ANKS1B: variants seen among roughly 807,000 people sequenced by gnomAD.
The protein encoded by ANKS1B is ankyrin repeat and sterile alpha motif domain-containing protein 1B.
Under a neutral mutation model 148.3 loss-of-function variants are expected in ANKS1B, and 36 were observed. The ratio of observed to expected loss-of-function variants is 0.24; its 90% CI spans 0.19 to 0.32. The LOEUF (loss-of-function observed/expected upper bound fraction) is 0.32, where lower values mean the gene tolerates loss of function less well. ANKS1B is among the 10% of genes least tolerant of loss of function. ANKS1B has a pLI of 1.00. For synonymous variants in ANKS1B, 542 were observed against 560.8 expected, an observed-to-expected ratio of 0.97 and a Z score of 0.47; for missense variants, 1,157 against 1,542.6, an observed-to-expected ratio of 0.75 and a Z score of 4.19.
chr12:99,137,749 G>A (rs1367361841), intron 15 of ANKS1B, among the ~76,000 whole-genome samples: 1 of 152,044 alleles, frequency 6.6e-6, no homozygotes, highest in East Asian at 1.9e-4. Flanking sequence ...TGTGTGCCAT[G>A]CTTTTTCTGT....
intron 9 of ANKS1B, among the ~76,000 whole-genome samples, chr12:99,569,308 A>C (rs1489521718): frequency 6.6e-6 from 1 of 152,198 alleles, no homozygotes; most frequent in Non-Finnish European, 1.5e-5. Context: ...GCTTCATGAA[A>C]AGTGCTGGGG....
At chr12:99,587,117 G>A (rs2097650415) in intron 9 of ANKS1B, among the ~76,000 whole-genome samples, 1 of 152,160 alleles carries the variant, frequency 6.6e-6, no homozygotes, top group Admixed American at 6.5e-5. Context: ...TGGCAGAGCA[G>A]GGTAAAGAAG....
intron 8 of ANKS1B, among the ~76,000 whole-genome samples, chr12:99,760,632 C>G (rs1481211688): frequency 6.6e-6 from 1 of 150,722 alleles, no homozygotes; most frequent in East Asian, 1.9e-4. Flanking sequence ...AACATCACAC[C>G]CAGAGGAACT....
At chr12:98,775,625 T>A (rs2098665112) in intron 24 of ANKS1B, among the ~76,000 whole-genome samples, 1 of 151,658 alleles carries the variant, frequency 6.6e-6, no homozygotes, top group Non-Finnish European at 1.5e-5. Context: ...CTGTATTTTT[T>A]TTTTTTGGTA....
In ANKS1B at chr12:99,179,527, A is replaced by G. The variant is rs2078862428; in HGVS notation, c.2420-25132T>C. On this transcript the variant is annotated intron_variant, in intron 14 of 26. Coordinates refer to ENST00000683438, the MANE Select transcript of ANKS1B (RefSeq NM_001352186.2). ...CATTTACCTTAACAAACAGTTTACA[A>G]GAGTGCCATGCATTCTCTTTCCTGC... is the stretch of plus-strand genomic sequence containing the variant. 2.0e-5 allele frequency among the ~76,000 whole-genome samples: 3 copies of G among 152,242 alleles called. No homozygotes were observed. In the South Asian group the frequency reaches 6.2e-4, roughly 32 times the overall value.
intron 15 of ANKS1B, among the ~76,000 whole-genome samples, chr12:99,126,994 T>C (rs75737943): frequency 0.014 from 2,094 of 152,246 alleles, 23 homozygotes; most frequent in Non-Finnish European, 0.019. Flanking sequence ...TAAAAAAAAC[T>C]AACCTTGGGA....
At chr12:98,836,653 G>C (rs1370577184) in intron 17 of ANKS1B, among the ~76,000 whole-genome samples, 7 of 152,200 alleles carry the variant, frequency 4.6e-5, no homozygotes, top group Non-Finnish European at 8.8e-5. Flanking sequence ...CATCATGGGT[G>C]ATAACCAGTG....
chr12:99,743,627 A>G (rs952715714), intron 8 of ANKS1B, among the ~76,000 whole-genome samples: 1 of 152,186 alleles, frequency 6.6e-6, no homozygotes, highest in African/African-American at 2.4e-5. Context: ...AGTTATATGT[A>G]ACTTTATTCT....
At chr12:99,791,946 A>G (rs1296255486) in intron 4 of ANKS1B, among the ~76,000 whole-genome samples, 1 of 151,902 alleles carries the variant, frequency 6.6e-6, no homozygotes, top group Non-Finnish European at 1.5e-5. Context: ...AAAAAAGACA[A>G]CAGATCAACA....
At chr12:99,811,652 A>G (rs986343689) in intron 3 of ANKS1B, among the ~76,000 whole-genome samples, 10 of 151,732 alleles carry the variant, frequency 6.6e-5, no homozygotes, top group African/African-American at 2.4e-4. Flanking sequence ...TTGTGTTTGT[A>G]TATATATATA....
At chr12:99,359,485 T>A (rs577951158) in intron 12 of ANKS1B, among the ~76,000 whole-genome samples, 5 of 152,182 alleles carry the variant, frequency 3.3e-5, no homozygotes, top group African/African-American at 7.2e-5. Context: ...GCATAAAAAA[T>A]ACAGCTTATA....
chr12:99,045,789 A>G (rs2099961941), intron 17 of ANKS1B, among the ~76,000 whole-genome samples: 1 of 152,220 alleles, frequency 6.6e-6, no homozygotes, highest in Non-Finnish European at 1.5e-5. Context: ...AATGAGTTGC[A>G]TTTGCCTGCA....
chr12:99,781,275 A>G (rs1258669285), intron 5 of ANKS1B, among the ~76,000 whole-genome samples: 1 of 152,188 alleles, frequency 6.6e-6, no homozygotes, highest in African/African-American at 2.4e-5. Flanking sequence ...GTGTACAAAT[A>G]CAATCACAAT....
intron 8 of ANKS1B, among the ~76,000 whole-genome samples, chr12:99,725,520 T>A (rs2058529853): frequency 6.6e-6 from 1 of 152,142 alleles, no homozygotes; most frequent in South Asian, 2.1e-4. Context: ...CTTAGAGACC[T>A]ACAAAGAGAC....
At chr12:99,260,036 T>G (rs1049118786) in intron 12 of ANKS1B, among the ~76,000 whole-genome samples, 1 of 152,176 alleles carries the variant, frequency 6.6e-6, no homozygotes, top group African/African-American at 2.4e-5. Context: ...TAACCATGTA[T>G]TTTCCTCATC....
intron 9 of ANKS1B, among the ~76,000 whole-genome samples, chr12:99,509,749 C>T (rs1454870819): frequency 2.6e-5 from 4 of 151,982 alleles, no homozygotes; most frequent in African/African-American, 7.2e-5. Context: ...GGTGACTACA[C>T]TAAACAATAG....
chr12:99,548,034 C>T (rs2097186568), intron 9 of ANKS1B, among the ~76,000 whole-genome samples: 1 of 152,124 alleles, frequency 6.6e-6, no homozygotes, highest in Admixed American at 6.5e-5. Flanking sequence ...AAACCTGCAA[C>T]AGCAATAAAA....
intron 15 of ANKS1B, among the ~76,000 whole-genome samples, chr12:99,137,940 A>G (rs565994571): frequency 6.6e-6 from 1 of 152,224 alleles, no homozygotes; most frequent in East Asian, 1.9e-4. Flanking sequence ...TTGTGAGAGG[A>G]GGGACAGAGT....
chr12:99,623,085 A>G (rs1256865490), intron 9 of ANKS1B, among the ~76,000 whole-genome samples: 2 of 152,046 alleles, frequency 1.3e-5, no homozygotes, highest in African/African-American at 2.4e-5. Context: ...TGGGATGCAA[A>G]GTTGGCTCAA....
Sources: gnomAD v4.1 joint callset for allele counts (sites outside exome capture counted in the v4.1 genomes callset) on GRCh38, gnomAD v4.1.1 for gene constraint, MANE v1.5 for transcripts, NCBI Gene and HGNC (gene_info 2026-07-23, HGNC 2026-07-21) for gene names.